Variants in SRBD1 observed in about 807,000 individuals in gnomAD.
SRBD1 encodes the protein S1 RNA binding domain 1.
A neutral mutation model predicts 115.3 loss-of-function variants in SRBD1; 88 were observed. The observed-to-expected ratio is 0.76, with a 90% CI of 0.64 to 0.91. The LOEUF (loss-of-function observed/expected upper bound fraction) is 0.91. SRBD1 is among the 40% of genes least tolerant of loss of function. The pLI is 0.00. For missense variants in SRBD1, 1,385 were observed against 1,177.4 expected, an observed-to-expected ratio of 1.18 and a Z score of -2.58; for synonymous variants, 509 against 407.7, an observed-to-expected ratio of 1.25 and a Z score of -2.99.
At chr2:45,546,198 G>C in intron 14 of SRBD1, 2 of 985,434 alleles carry the variant, frequency 2.0e-6, no homozygotes, top group Non-Finnish European at 2.4e-6. Context: ...GAGAAATTGG[G>C]TCTTTCTAAT....
At chr2:45,420,385 A>G (rs1667959501) in intron 16 of SRBD1, among the ~76,000 whole-genome samples, 2 of 152,236 alleles carry the variant, frequency 1.3e-5, no homozygotes, top group African/African-American at 4.8e-5. Context: ...CAGTAAAATA[A>G]CAGTAAGACA....
chr2:45,418,339 G>A, intron 18 of SRBD1, 26 bp downstream of exon 18: 1 of 1,603,176 alleles, frequency 6.2e-7, no homozygotes, highest in South Asian at 1.1e-5. Context: ...GTTGACAATA[G>A]AATCAAAGTG....
At chr2:45,486,628 G>A (rs1035690497) in intron 15 of SRBD1, among the ~76,000 whole-genome samples, 1 of 151,984 alleles carries the variant, frequency 6.6e-6, no homozygotes. Context: ...AGCTACTTGG[G>A]ATGCTGAGGC....
chr2:45,533,099 A>C (rs1671663498), intron 14 of SRBD1, among the ~76,000 whole-genome samples: 1 of 152,110 alleles, frequency 6.6e-6, no homozygotes, highest in South Asian at 2.1e-4. Flanking sequence ...TAAGCTGTTT[A>C]ATCCCAAAGA....
intron 10 of SRBD1, 119 bp from the exon 11 acceptor site, chr2:45,553,849 G>T: frequency 2.0e-6 from 1 of 501,320 alleles, no homozygotes; most frequent in Non-Finnish European, 3.5e-6. Context: ...TGAAGCCAAA[G>T]TAACATAATC....
chr2:45,430,165 C>G (rs1006922023), intron 16 of SRBD1, among the ~76,000 whole-genome samples: 1 of 152,172 alleles, frequency 6.6e-6, no homozygotes, highest in African/African-American at 2.4e-5. Context: ...AAAAAACATT[C>G]CATGCTCATG....
intron 8 of SRBD1, among the ~76,000 whole-genome samples, 154 bp downstream of exon 8, chr2:45,574,473 A>G (rs1304400379): frequency 6.6e-6 from 1 of 152,178 alleles, no homozygotes; most frequent in Non-Finnish European, 1.5e-5. Flanking sequence ...TCTGTTTTAT[A>G]TATTTGGGCT....
chr2:45,434,031 A>T (rs1367725110), intron 16 of SRBD1, among the ~76,000 whole-genome samples: 1 of 152,190 alleles, frequency 6.6e-6, no homozygotes, highest in Non-Finnish European at 1.5e-5. Flanking sequence ...AAAAAAATAA[A>T]CAGGAAGACA....
intron 19 of SRBD1, among the ~76,000 whole-genome samples, chr2:45,409,170 C>T (rs1330210078): frequency 6.6e-6 from 1 of 152,008 alleles, no homozygotes; most frequent in Non-Finnish European, 1.5e-5. Context: ...TGCAGTGAGC[C>T]AAGATCACAC....
chr2:45,429,344 A>T (rs1379261892), intron 16 of SRBD1, among the ~76,000 whole-genome samples: 1 of 152,204 alleles, frequency 6.6e-6, no homozygotes, highest in Non-Finnish European at 1.5e-5. Context: ...ACAACAAAAA[A>T]AGAAAATTTC....
intron 15 of SRBD1, among the ~76,000 whole-genome samples, chr2:45,486,230 G>GAAC (rs1158230660): frequency 6.6e-6 from 1 of 152,052 alleles, no homozygotes; most frequent in Non-Finnish European, 1.5e-5. Flanking sequence ...GAGGCCTGAG[G>GAAC]GATTGTTACC....
At chr2:45,392,200 AC>A (rs1346977114) in intron 20 of SRBD1, among the ~76,000 whole-genome samples, 1 of 152,188 alleles carries the variant, frequency 6.6e-6, no homozygotes, top group East Asian at 1.9e-4. Flanking sequence ...ACTCCTTTAA[AC>A]CTTTTCAAAG....
intron 16 of SRBD1, among the ~76,000 whole-genome samples, chr2:45,431,057 A>G (rs189130418): frequency 1.7e-4 from 26 of 152,384 alleles, no homozygotes; most frequent in African/African-American, 6.3e-4. Flanking sequence ...ATCACTGGTC[A>G]TTAGAGAAAC....
intron 1 of SRBD1, among the ~76,000 whole-genome samples, chr2:45,608,536 G>T (rs1368164976): frequency 6.6e-6 from 1 of 152,052 alleles, no homozygotes; most frequent in Non-Finnish European, 1.5e-5. Flanking sequence ...CATAAAACTT[G>T]TTAGATTAAC....
chr2:45,571,017 A>G (rs1389521333), intron 9 of SRBD1, among the ~76,000 whole-genome samples: 1 of 152,110 alleles, frequency 6.6e-6, no homozygotes, highest in African/African-American at 2.4e-5. Context: ...TGGAAATGAG[A>G]TATTTGAGGG....
intron 14 of SRBD1, among the ~76,000 whole-genome samples, chr2:45,525,880 C>T (rs944919721): frequency 6.6e-6 from 1 of 151,972 alleles, no homozygotes; most frequent in African/African-American, 2.4e-5. Context: ...TGCTCAATAT[C>T]ATTAGTCATC....
intron 14 of SRBD1, among the ~76,000 whole-genome samples, chr2:45,497,862 C>T (rs1388230569): frequency 1.3e-5 from 2 of 152,086 alleles, no homozygotes; most frequent in African/African-American, 4.8e-5. Flanking sequence ...CGGTGAAACC[C>T]TGTCTCTACT....
rs767990580 is a variant in SRBD1, at chr2:45,389,550, C to T, written c.2748G>A (p.Leu916=). 2.7e-5 allele frequency: 43 copies of T among 1,613,888 alleles called. No individual in the cohort carries two copies. The highest frequency in any genetic ancestry group is 1.1e-5 in the Non-Finnish European group (13 of 1,179,950). The stretch of plus-strand genomic sequence containing the variant: ...TGCCTGTAAGAACTGTCCCAATCTG[C>T]AGATCTTCCAGGCATACTATGCTTC... ...FKRSIVCLED[L]QIGTVLTGKV... Residue 916 remains leucine, a synonymous_variant, in exon 21 of 21, where the codon CTG becomes CTA. Transcript: ENST00000263736.
At chr2:45,540,026 A>G (rs1342008036) in intron 14 of SRBD1, among the ~76,000 whole-genome samples, 2 of 152,184 alleles carry the variant, frequency 1.3e-5, no homozygotes, top group African/African-American at 2.4e-5. Context: ...CAGAACTTCT[A>G]GATGAAAAAT....
Sources: allele counts gnomAD v4.1 joint callset (sites outside exome capture counted in the v4.1 genomes callset), GRCh38; gene constraint gnomAD v4.1.1; transcripts MANE v1.5; gene names NCBI Gene and HGNC (gene_info 2026-07-23, HGNC 2026-07-21).